Variants in ADAM33 observed in about 807,000 individuals in gnomAD.
ADAM33 encodes the protein disintegrin and metalloproteinase domain-containing protein 33.
A neutral mutation model predicts 106.2 loss-of-function variants in ADAM33; 103 were observed. That is an observed-to-expected ratio of 0.97 (90% CI 0.83 to 1.14). ADAM33 has a LOEUF of 1.14. ADAM33 is among the 50% of genes most tolerant of loss of function. ADAM33 has a pLI of 0.00. For synonymous variants in ADAM33, 483 were observed against 453.0 expected (o/e 1.07, Z -0.84); for missense variants, 1,120 against 1,096.6 (o/e 1.02, Z -0.30).
intron 2 of ADAM33, among the ~76,000 whole-genome samples, chr20:3,678,580 G>C (rs960692368): frequency 2.6e-5 from 4 of 152,242 alleles, no homozygotes; most frequent in Non-Finnish European, 5.9e-5. Flanking sequence ...TGGGTCTCTG[G>C]GGGCCTCTCA....
Position 3,673,381 on chromosome 20 carries a change from C to T in ADAM33, c.1106G>A (p.Gly369Glu). 1.9e-6 allele frequency: 3 copies of T among 1,541,716 alleles called. No homozygotes were observed. The highest frequency in any genetic ancestry group is 8.7e-7 in the Non-Finnish European group (1 of 1,150,350). ...GCCVEAAAES[G>E]GCVMAAATGH... ...GGTGGCCGCAGCCATGACGCAGCCT[C>T]CGGACTCGGCCGCAGCCTCCACGCA... Residue 369 changes from glycine (G) to glutamate (E), a missense_variant, in exon 11 of 22, where the codon GGA becomes GAA. Transcript: ENST00000356518.
Position 3,674,701 on chromosome 20 carries a change from G to A in ADAM33, c.411-8C>T, listed in dbSNP as rs369019061. The A allele has an allele frequency of 2.5e-6, 4 of 1,603,476 alleles. No individual in the cohort carries two copies. The highest frequency in any genetic ancestry group is 3.4e-6 in the Non-Finnish European group (4 of 1,174,892). On this transcript the variant is annotated splice_region_variant and splice_polypyrimidine_tract_variant and intron_variant, in intron 5 of 21. Coordinates refer to ENST00000356518, the MANE Select transcript of ADAM33 (RefSeq NM_025220.5). ...CTGAGGGTGATCAGGCCACTAGGGT[G>A]CAGAGGGGTAGGAGCGGGTGTGAGG...
In ADAM33 at chr20:3,681,851, C is replaced by T; in HGVS notation, c.97+57G>A. 7.0e-6 allele frequency: 11 copies of T among 1,567,530 alleles called. No individual in the cohort carries two copies. In the South Asian group the frequency reaches 1.3e-4, roughly 18 times the overall value. On this transcript the variant is annotated intron_variant, in intron 1 of 21. Coordinates refer to ENST00000356518, the MANE Select transcript of ADAM33 (RefSeq NM_025220.5). ...CCGAGCTCTGAGCAGAACCCATCCC[C>T]GCCACCACCACCGCGCCTAGCCTGC...
rs1363747739 is a variant in ADAM33, at chr20:3,671,167, G to A, written c.2093-14C>T. The A allele has an allele frequency of 6.2e-7, 1 of 1,613,258 alleles. No homozygotes were observed. Among genetic ancestry groups the A allele is most frequent in the Non-Finnish European group, 8.5e-7 (1 of 1,179,678 alleles). On this transcript the variant is annotated splice_polypyrimidine_tract_variant and intron_variant, in intron 18 of 21. Transcript: ENST00000356518. ...AGGTGTCATGGTCTGCGGGGATTGGGGGAAGGGGCGCTGAGTCCTGAGCAG... is the reference window on the plus strand; with the variant it reads ...AGGTGTCATGGTCTGCGGGGATTGGAGGAAGGGGCGCTGAGTCCTGAGCAG...
At chr20:3,672,099 G>A (rs1386937404) in intron 14 of ADAM33, 35 bp downstream of exon 14, 1 of 1,598,346 alleles carries the variant, frequency 6.3e-7, no homozygotes, top group South Asian at 1.1e-5. Context: ...CCAGAGGATG[G>A]GGGGCAGGGT....
chr20:3,669,537 C>A lies in ADAM33; in HGVS notation c.2332+9G>T. 1 of 1,576,962 alleles carries A rather than the reference C, an allele frequency of 6.3e-7. No homozygotes were observed. Among genetic ancestry groups the A allele is most frequent in the Non-Finnish European group, 8.6e-7 (1 of 1,160,544 alleles). On this transcript the variant is annotated intron_variant, in intron 20 of 21. Coordinates refer to ENST00000356518, the MANE Select transcript of ADAM33 (RefSeq NM_025220.5). ...TTCCCTCTCCACCTCCCCCTGGTGC[C>A]TCACTCACCCAGGGGCCAGGGCTGT...
At chr20:3,673,144 A>G (rs2087670477) in intron 11 of ADAM33, 1 of 1,483,216 alleles carries the variant, frequency 6.7e-7, no homozygotes, top group Non-Finnish European at 8.9e-7. Context: ...TAACCTCGCC[A>G]GGTTACTCGG....
intron 3 of ADAM33, 51 bp downstream of exon 3, chr20:3,677,016 C>A: frequency 1.9e-6 from 3 of 1,577,050 alleles, no homozygotes; most frequent in Non-Finnish European, 2.6e-6. Flanking sequence ...TCAGTCCCTG[C>A]CCCCCAACAC....
At chr20:3,674,441 C>A in intron 6 of ADAM33, 63 bp downstream of exon 6, 1 of 1,603,860 alleles carries the variant, frequency 6.2e-7, no homozygotes, top group South Asian at 1.1e-5. Flanking sequence ...GAATTCCCGT[C>A]TCTTCTGATT....
rs201375110 is a variant in ADAM33 at position 3,671,174 on chromosome 20, G to A, written c.2093-21C>T. 1.2e-5 allele frequency: 19 copies of A among 1,613,240 alleles called. 1 individual carries two copies. In the African/African-American group the frequency reaches 2.5e-4, roughly 21 times the overall value. ...ATGGTCTGCGGGGATTGGGGGAAGG[G>A]GCGCTGAGTCCTGAGCAGGTGCACC... On this transcript the variant is annotated intron_variant, in intron 18 of 21. Coordinates refer to ENST00000356518, the MANE Select transcript of ADAM33 (RefSeq NM_025220.5).
At position 3,672,122 on chromosome 20, in the gene ADAM33, G is replaced by A. The variant is rs894054181; in HGVS notation, c.1597+12C>T. ...TGGGGGGCAGGGTGCAAGGGTGCTC[G>A]TGTCCTCTCACCAGGCCCCCAGAGC... On this transcript the variant is annotated intron_variant, in intron 14 of 21. Transcript: ENST00000356518. The A allele has an allele frequency of 1.9e-6, 3 of 1,606,300 alleles. No individual in the cohort carries two copies. Among genetic ancestry groups the A allele is most frequent in the Admixed American group, 3.4e-5 (2 of 59,670 alleles).
intron 19 of ADAM33, chr20:3,670,682 A>G (rs1371490596): frequency 6.0e-6 from 2 of 335,102 alleles, no homozygotes; most frequent in African/African-American, 2.1e-5. Flanking sequence ...AGGGACTGCA[A>G]TCTGAGCCAG....
intron 3 of ADAM33, among the ~76,000 whole-genome samples, chr20:3,676,004 C>T (rs955374430): frequency 4.6e-5 from 7 of 152,138 alleles, no homozygotes; most frequent in African/African-American, 1.7e-4. Flanking sequence ...TATGGTTGGG[C>T]ACAGTGGAAC....
At chr20:3,672,995 C>T (rs3918393) in intron 11 of ADAM33, 97 bp from the exon 12 acceptor site, 78,614 of 1,439,196 alleles carry the variant, frequency 0.055, 2,329 homozygotes, top group Non-Finnish European at 0.061. Flanking sequence ...AGCCGCCAGA[C>T]GCGCAGAGCC....
intron 2 of ADAM33, among the ~76,000 whole-genome samples, chr20:3,678,821 G>A (rs981096431): frequency 6.6e-5 from 10 of 152,226 alleles, no homozygotes; most frequent in African/African-American, 1.9e-4. Context: ...AGCATATCAA[G>A]GCTACTGCCC....
At chr20:3,677,272 A>AC (rs982710642) in intron 2 of ADAM33, 129 bp from the exon 3 acceptor site, 19 of 684,400 alleles carry the variant, frequency 2.8e-5, no homozygotes, top group Middle Eastern at 8.0e-4. Context: ...AGTCAGCAGG[A>AC]CCCCCCACAT....
chr20:3,672,861 G>A lies in ADAM33; in HGVS notation c.1171C>T (p.Arg391Cys). 1 of 1,577,220 alleles carries A rather than the reference G, an allele frequency of 6.3e-7. No homozygotes were observed. The highest frequency in any genetic ancestry group is 8.5e-7 in the Non-Finnish European group (1 of 1,169,870). ...TTGCGGAAGAAGGCGCGCAGCTGGC[G>A]GCGGCTGCAGGCGCTGAACACGCGC... The part of the protein sequence containing the change: ...FPRVFSACSR[R>C]QLRAFFRKGG... The change falls in exon 12 of 22, where the codon CGC (arginine) becomes TGC (cysteine). Residue 391 changes from arginine (R) to cysteine (C), a missense_variant. By Grantham distance (180) the Arg-to-Cys change is radical. Transcript: ENST00000356518.
intron 2 of ADAM33, among the ~76,000 whole-genome samples, chr20:3,677,591 G>T (rs1273646950): frequency 4.6e-5 from 7 of 152,314 alleles, no homozygotes; most frequent in Middle Eastern, 3.4e-3. Context: ...CAAATGAGCT[G>T]CTGCTCATTC....
At chr20:3,680,137 G>T (rs915913921) in intron 1 of ADAM33, among the ~76,000 whole-genome samples, 1 of 152,116 alleles carries the variant, frequency 6.6e-6, no homozygotes, top group Non-Finnish European at 1.5e-5. Context: ...GGGAGGGGAC[G>T]CTTCTGGACG....
Sources: gnomAD v4.1 joint callset for allele counts (sites outside exome capture counted in the v4.1 genomes callset) on GRCh38, gnomAD v4.1.1 for gene constraint, MANE v1.5 for transcripts, NCBI Gene and HGNC (gene_info 2026-07-23, HGNC 2026-07-21) for gene names.